The following TRPS1 variants were observed in gnomAD, a reference collection of about 807,000 sequenced individuals.
TRPS1 encodes the protein transcriptional repressor GATA binding 1, also known as zinc finger transcription factor Trps1.
In TRPS1, 6 loss-of-function variants were observed where a neutral mutation model predicts 101.2. That is an observed-to-expected ratio of 0.06 (90% CI 0.03 to 0.12). The LOEUF (loss-of-function observed/expected upper bound fraction) is 0.12, where lower values mean the gene tolerates loss of function less well. TRPS1 is among the 10% of genes least tolerant of loss of function. The pLI is 1.00. For missense variants in TRPS1, 1,363 were observed against 1,567.0 expected, an observed-to-expected ratio of 0.87 and a Z score of 2.20; for synonymous variants, 578 against 589.8, an observed-to-expected ratio of 0.98 and a Z score of 0.29.
At position 115,409,903 on chromosome 8, in the gene TRPS1, G is replaced by A. The variant is rs902203780; in HGVS notation, c.*4120C>T. On this transcript the variant is annotated 3_prime_UTR_variant, in exon 7 of 7. Coordinates refer to ENST00000395715, the MANE Select transcript of TRPS1 (RefSeq NM_014112.5). ...TTCACCTTACTGGCTCACCAAAGAC[G>A]ACTTGATCTTTTTTTCTTTTTTTTT... The A allele has an allele frequency of 2.7e-5, 4 of 146,232 alleles. No individual in the cohort carries two copies. Among genetic ancestry groups the A allele is most frequent in the African/African-American group, 1.0e-4 (4 of 38,464 alleles). The allele number at this position is 146,232 out of a possible 1,614,324, so 9.1% of individuals were successfully genotyped here.
In TRPS1 at chr8:115,430,940, GA is replaced by G. The variant is rs886173789; in HGVS notation, c.2701-12489del. ...TATGTTAATTTTATATTAAAAAACT[GA>G]AAAAAAAATGAAGCAATAGAGTACC... On this transcript the variant is annotated intron_variant, in intron 5 of 6. Coordinates refer to ENST00000395715, the MANE Select transcript of TRPS1 (RefSeq NM_014112.5). Among the ~76,000 whole-genome samples the G allele has an allele frequency of 1.4e-4, 21 of 147,704 alleles. No homozygotes were observed. The East Asian group carries it at 1.8e-3, about 13-fold the overall frequency.
chr8:115,611,222 T>C (rs141817532), intron 3 of TRPS1, among the ~76,000 whole-genome samples: 399 of 151,950 alleles, frequency 2.6e-3, no homozygotes, highest in African/African-American at 8.5e-3. Flanking sequence ...GCTAAGTGAA[T>C]TCCCCATAGC....
At chr8:115,475,394 T>C (rs180858953) in intron 5 of TRPS1, among the ~76,000 whole-genome samples, 25 of 151,414 alleles carry the variant, frequency 1.7e-4, no homozygotes, top group African/African-American at 5.6e-4. Context: ...CTGCAATTAG[T>C]TGATGCCAAT....
Position 115,414,495 on chromosome 8 carries a change from G to T in TRPS1, c.3413C>A (p.Pro1138Gln). 6.2e-7 allele frequency: 1 copy of T among 1,613,820 alleles called. No homozygotes were observed. Among genetic ancestry groups the T allele is most frequent in the Non-Finnish European group, 8.5e-7 (1 of 1,179,950 alleles). ...GCCAGGCACGTGACTCAAGTAGTGC[G>T]GATTCCCAGGAACGGAGAGCTTATA... is the stretch of plus-strand genomic sequence containing the variant. The part of the protein sequence containing the change: ...SKYKLSVPGN[P>Q]HYLSHVPGLP... Residue 1138 changes from proline (P) to glutamine (Q), a missense_variant, in exon 7 of 7, where the codon CCG (proline) becomes CAG (glutamine). Transcript: ENST00000395715. This position sits in a 1 kb window ranked among gnomAD's most constrained non-coding sequence, Gnocchi z 4.8.
chr8:115,456,344 T>G (rs897329316), intron 5 of TRPS1, among the ~76,000 whole-genome samples: 4 of 152,140 alleles, frequency 2.6e-5, no homozygotes, highest in Admixed American at 2.0e-4. Context: ...TGCTTTGGAA[T>G]TTTTAGCCCC....
intron 5 of TRPS1, among the ~76,000 whole-genome samples, chr8:115,475,468 C>T (rs1364674153): frequency 2.6e-5 from 4 of 151,606 alleles, no homozygotes; most frequent in Non-Finnish European, 2.9e-5. Context: ...CACAGAAAAA[C>T]GGAAGCCATT....
rs552079195 is a variant in TRPS1, at chr8:115,445,988, T to C, written c.2701-27536A>G. 5.3e-5 allele frequency among the ~76,000 whole-genome samples: 8 copies of C among 152,276 alleles called. No individual in the cohort carries two copies. The South Asian group carries it at 1.0e-3, about 20-fold the overall frequency. ...TCCCAGTAAATTCAATTCTTTCCTGTATAACTCTTTTTTCCCCCTTTCGAA... is the reference window on the plus strand; with the variant it reads ...TCCCAGTAAATTCAATTCTTTCCTGCATAACTCTTTTTTCCCCCTTTCGAA... On this transcript the variant is annotated intron_variant, in intron 5 of 6. Transcript: ENST00000395715.
At chr8:115,578,998 A>G (rs1014608859) in intron 5 of TRPS1, among the ~76,000 whole-genome samples, 1 of 152,094 alleles carries the variant, frequency 6.6e-6, no homozygotes, top group African/African-American at 2.4e-5. Context: ...TAGAATTGCC[A>G]GAGCTAGAAT....
intron 5 of TRPS1, among the ~76,000 whole-genome samples, chr8:115,586,549 G>A (rs1817564476): frequency 6.6e-6 from 1 of 152,140 alleles, no homozygotes; most frequent in Non-Finnish European, 1.5e-5. Context: ...ATTTTGGTAT[G>A]AACATCTCAT....
intron 1 of TRPS1, among the ~76,000 whole-genome samples, chr8:115,625,917 GT>G (rs1319168190): frequency 1.3e-5 from 2 of 151,548 alleles, no homozygotes; most frequent in Non-Finnish European, 3.0e-5. Flanking sequence ...TTTTCTTTTT[GT>G]TTTTCCAGCT....
intron 5 of TRPS1, among the ~76,000 whole-genome samples, chr8:115,511,830 T>A (rs953023831): frequency 2.0e-5 from 3 of 151,868 alleles, no homozygotes; most frequent in African/African-American, 7.2e-5. Context: ...TTTCTACATA[T>A]AAACTATATG....
intron 5 of TRPS1, among the ~76,000 whole-genome samples, chr8:115,521,017 T>C (rs1050491641): frequency 6.6e-6 from 1 of 151,880 alleles, no homozygotes; most frequent in Non-Finnish European, 1.5e-5. Context: ...ATTTACCTAC[T>C]AGAAATATTT....
chr8:115,562,153 C>T (rs548644099), intron 5 of TRPS1, among the ~76,000 whole-genome samples: 4 of 152,078 alleles, frequency 2.6e-5, no homozygotes, highest in African/African-American at 9.6e-5. Context: ...ATTTCACCCT[C>T]TTAACAAACA....
intron 5 of TRPS1, among the ~76,000 whole-genome samples, chr8:115,523,198 T>TA (rs1815910159): frequency 6.6e-6 from 1 of 152,018 alleles, no homozygotes; most frequent in Non-Finnish European, 1.5e-5. Flanking sequence ...ATAAGAATTG[T>TA]AAAGGACCGG....
At chr8:115,597,860 G>C (rs1050782511) in intron 4 of TRPS1, among the ~76,000 whole-genome samples, 1 of 152,064 alleles carries the variant, frequency 6.6e-6, no homozygotes, top group Non-Finnish European at 1.5e-5. Context: ...GATTAATAAA[G>C]ATACCTCAAT....
intron 5 of TRPS1, among the ~76,000 whole-genome samples, chr8:115,545,940 C>T (rs1816560105): frequency 6.6e-6 from 1 of 151,908 alleles, no homozygotes; most frequent in Admixed American, 6.6e-5. Context: ...TCACAGAGTA[C>T]AATAAAACTT....
At chr8:115,536,138 T>C (rs1029100363) in intron 5 of TRPS1, among the ~76,000 whole-genome samples, 2 of 152,114 alleles carry the variant, frequency 1.3e-5, no homozygotes, top group East Asian at 1.9e-4. Flanking sequence ...AAATACGTAA[T>C]ACAGACAAAG....
intron 1 of TRPS1, among the ~76,000 whole-genome samples, chr8:115,659,987 T>C (rs1811757042): frequency 6.6e-6 from 1 of 151,994 alleles, no homozygotes; most frequent in South Asian, 2.1e-4. Context: ...TGCATGTACA[T>C]GTACGCACTT....
At chr8:115,533,446 T>TTTTTTTTTTTG (rs1816195718) in intron 5 of TRPS1, among the ~76,000 whole-genome samples, 1 of 130,746 alleles carries the variant, frequency 7.6e-6, no homozygotes, top group African/African-American at 3.1e-5. Context: ...GTTTTTTTTT[T>TTTTTTTTTTTG]TTTTTTTTTT....
Sources: allele counts gnomAD v4.1 joint callset (sites outside exome capture counted in the v4.1 genomes callset), GRCh38; gene constraint gnomAD v4.1.1; non-coding constraint Gnocchi (gnomAD v3.1); transcripts MANE v1.5; gene names NCBI Gene and HGNC (gene_info 2026-07-23, HGNC 2026-07-21).